CRHR1: variants seen among roughly 807,000 people sequenced by gnomAD.
CRHR1 encodes the protein corticotropin releasing hormone receptor 1.
A neutral mutation model predicts 56.0 loss-of-function variants in CRHR1; 28 were observed. The ratio of observed to expected loss-of-function variants is 0.50; its 90% CI spans 0.37 to 0.69. The LOEUF is 0.69. Ranked by LOEUF, CRHR1 falls within the 30% of genes least tolerant of loss-of-function variation. CRHR1 has a pLI of 0.00. For missense variants in CRHR1, 376 were observed against 548.0 expected (o/e 0.69, Z 3.13); for synonymous variants, 195 against 216.5 (o/e 0.90, Z 0.87).
Position 45,784,638 on chromosome 17 carries a change from C to T in CRHR1, c.33+61C>T. The T allele has an allele frequency of 1.3e-6, 2 of 1,491,840 alleles. No individual in the cohort carries two copies. Among genetic ancestry groups the T allele is most frequent in the Admixed American group, 2.2e-5 (1 of 46,120 alleles). 92.4% of individuals were successfully genotyped at this position (1,491,840 alleles called of 1,614,324 possible). ...CCCCCGGCCCCTGGCGGACGCGGGACGGGGCTGGGCTGTGGGTGTGATGGG... is the reference window on the plus strand; with the variant it reads ...CCCCCGGCCCCTGGCGGACGCGGGATGGGGCTGGGCTGTGGGTGTGATGGG... On this transcript the variant is annotated intron_variant, in intron 1 of 12. Transcript: ENST00000314537. This position sits in a 1 kb window ranked among gnomAD's most constrained non-coding sequence, Gnocchi z 4.2.
At chr17:45,817,890 AG>A (rs1205505737) in intron 3 of CRHR1, among the ~76,000 whole-genome samples, 23 of 152,342 alleles carry the variant, frequency 1.5e-4, no homozygotes, top group African/African-American at 5.5e-4. Context: ...ACAGTTGGCC[AG>A]CCCCCAATAT....
intron 4 of CRHR1, among the ~76,000 whole-genome samples, chr17:45,822,996 T>A (rs1483622748): frequency 6.9e-6 from 1 of 145,744 alleles, no homozygotes; most frequent in Non-Finnish European, 1.5e-5. Flanking sequence ...ATACAAAAAT[T>A]AGCCGAGCAT....
intron 2 of CRHR1, among the ~76,000 whole-genome samples, chr17:45,815,690 G>A (rs771283129): frequency 6.6e-6 from 1 of 152,202 alleles, no homozygotes; most frequent in Non-Finnish European, 1.5e-5. Context: ...ATGAAGACAA[G>A]ACACTAAGGC....
At chr17:45,812,475 A>T (rs2061841539) in intron 2 of CRHR1, among the ~76,000 whole-genome samples, 1 of 152,170 alleles carries the variant, frequency 6.6e-6, no homozygotes, top group Admixed American at 6.5e-5. Flanking sequence ...ACGGCTGACT[A>T]GGAAAATACC....
chr17:45,825,476 C>T (rs41280116), intron 4 of CRHR1: 22,239 of 154,566 alleles, frequency 0.14, 2,173 homozygotes, highest in Non-Finnish European at 0.22. Context: ...CCACGTTCTG[C>T]TGCGCACAGG....
chr17:45,812,609 A>T (rs2061844124), intron 2 of CRHR1, among the ~76,000 whole-genome samples: 1 of 152,158 alleles, frequency 6.6e-6, no homozygotes, highest in Admixed American at 6.5e-5. Context: ...AGTGACACAG[A>T]AACTGACTTC....
chr17:45,796,610 CTGGGTAAG>C (rs941872473), intron 1 of CRHR1, among the ~76,000 whole-genome samples: 2 of 152,200 alleles, frequency 1.3e-5, no homozygotes, highest in Non-Finnish European at 2.9e-5. Flanking sequence ...AGTCAAAACC[CTGGGTAAG>C]TTACTGTCTC....
At chr17:45,821,259 C>A (rs2062034378) in intron 3 of CRHR1, 96 bp from the exon 4 acceptor site, 5 of 1,101,156 alleles carry the variant, frequency 4.5e-6, no homozygotes, top group Non-Finnish European at 4.1e-6. Flanking sequence ...CCTGTACTGG[C>A]CATCTACAGA....
intron 1 of CRHR1, among the ~76,000 whole-genome samples, chr17:45,786,554 G>A (rs2061339536): frequency 1.3e-5 from 2 of 151,836 alleles, no homozygotes; most frequent in African/African-American, 4.8e-5. Flanking sequence ...AGGTCACACA[G>A]CCAGTGAGTA....
intron 1 of CRHR1, among the ~76,000 whole-genome samples, chr17:45,805,401 T>C (rs2061701329): frequency 6.6e-6 from 1 of 152,164 alleles, no homozygotes; most frequent in Admixed American, 6.5e-5. Context: ...GCTTCTAGCC[T>C]ACACCCTAGA....
In CRHR1 at chr17:45,808,247, C is replaced by T. The variant is rs571992051; in HGVS notation, c.121+1150C>T. On this transcript the variant is annotated intron_variant, in intron 2 of 12. Coordinates refer to ENST00000314537, the MANE Select transcript of CRHR1 (RefSeq NM_004382.5). ...AGAAACAGACGCAAGTGTCTGCAGG[C>T]GGGCAGGAGGCCTTCATTTCTGAAG... is the stretch of plus-strand genomic sequence containing the variant. 5.3e-4 allele frequency among the ~76,000 whole-genome samples: 81 copies of T among 152,318 alleles called. 1 individual carries two copies. In the South Asian group the frequency reaches 7.2e-3, roughly 14 times the overall value.
intron 2 of CRHR1, among the ~76,000 whole-genome samples, chr17:45,814,941 T>G (rs2061897261): frequency 6.6e-6 from 1 of 152,264 alleles, no homozygotes; most frequent in Non-Finnish European, 1.5e-5. Flanking sequence ...AAATGCCCTA[T>G]GAATAGCTTT....
chr17:45,831,325 A>G (rs1402149818), intron 8 of CRHR1, among the ~76,000 whole-genome samples: 1 of 152,198 alleles, frequency 6.6e-6, no homozygotes, highest in Non-Finnish European at 1.5e-5. Context: ...CATCTATATT[A>G]AGCATTTACA....
chr17:45,814,023 C>T (rs368873571), intron 2 of CRHR1, among the ~76,000 whole-genome samples: 1 of 152,362 alleles, frequency 6.6e-6, no homozygotes, highest in African/African-American at 2.4e-5. Context: ...GCCTCGTCCT[C>T]GCTGTGGCTG....
chr17:45,821,006 C>A (rs899369643), intron 3 of CRHR1, among the ~76,000 whole-genome samples: 4 of 152,248 alleles, frequency 2.6e-5, no homozygotes, highest in African/African-American at 9.6e-5. Context: ...AAGGAGATTT[C>A]TCAGAAGAGC....
intron 1 of CRHR1, among the ~76,000 whole-genome samples, chr17:45,786,893 G>A (rs552056143): frequency 6.6e-6 from 1 of 152,104 alleles, no homozygotes; most frequent in African/African-American, 2.4e-5. Context: ...AGCCAGCCTC[G>A]GCCTCCCAAA....
chr17:45,814,434 T>G (rs780944620), intron 2 of CRHR1, among the ~76,000 whole-genome samples: 25 of 152,026 alleles, frequency 1.6e-4, no homozygotes, highest in Non-Finnish European at 3.2e-4. Context: ...TGCCTATGAG[T>G]CTTGGTTCTT....
At chr17:45,824,376 C>G (rs1286323946) in intron 4 of CRHR1, among the ~76,000 whole-genome samples, 1 of 152,210 alleles carries the variant, frequency 6.6e-6, no homozygotes, top group Non-Finnish European at 1.5e-5. Context: ...GTCCCAGCTT[C>G]ACGCCCTGCA....
In CRHR1 at chr17:45,835,327, TAG is replaced by T. The variant is rs1393527031; in HGVS notation, c.*566_*567del. ...ATCATCAGACTTGCGGCCACAGCAC[TAG>T]AGTCACCCCCCCAGGCCTCCAGAAC... On this transcript the variant is annotated 3_prime_UTR_variant, in exon 13 of 13. Coordinates refer to ENST00000314537, the MANE Select transcript of CRHR1 (RefSeq NM_004382.5). 6.5e-6 allele frequency: 1 copy of T among 154,780 alleles called. No individual in the cohort carries two copies. Among genetic ancestry groups the T allele is most frequent in the Non-Finnish European group, 1.4e-5 (1 of 69,522 alleles). The allele number at this position is 154,780 out of a possible 1,614,324, so 9.6% of individuals were successfully genotyped here. A position where few individuals can be genotyped will look rare whatever the true frequency, so the allele number is the denominator to read the frequency against.
Sources: allele counts gnomAD v4.1 joint callset (sites outside exome capture counted in the v4.1 genomes callset), GRCh38; gene constraint gnomAD v4.1.1; non-coding constraint Gnocchi (gnomAD v3.1); transcripts MANE v1.5; gene names NCBI Gene and HGNC (gene_info 2026-07-23, HGNC 2026-07-21).